Variants in CAST observed in about 807,000 individuals in gnomAD.
The protein encoded by CAST is calpastatin.
Under a neutral mutation model 119.6 loss-of-function variants are expected in CAST, and 76 were observed. The observed-to-expected ratio is 0.64, with a 90% CI of 0.53 to 0.77. CAST has a LOEUF of 0.77. CAST is among the 30% of genes least tolerant of loss of function. The pLI is 0.00. For missense variants in CAST, 953 were observed against 946.5 expected, an observed-to-expected ratio of 1.01 and a Z score of -0.09; for synonymous variants, 319 against 331.6, an observed-to-expected ratio of 0.96 and a Z score of 0.41.
At chr5:96,383,977 G>C in the CAST span, among the ~76,000 whole-genome samples, 1 of 152,092 alleles carries the variant, frequency 6.6e-6, no homozygotes, top group Non-Finnish European at 1.5e-5. Flanking sequence ...ATGAGTAGGA[G>C]GCCGACCTGA....
the CAST span, among the ~76,000 whole-genome samples, chr5:96,231,670 G>GTTAGAATA: frequency 6.6e-6 from 1 of 151,970 alleles, no homozygotes; most frequent in East Asian, 1.9e-4. Flanking sequence ...CAATAAAGCT[G>GTTAGAATA]TTAGAATAAT....
At chr5:96,159,252 A>G in the CAST span, among the ~76,000 whole-genome samples, 1 of 152,124 alleles carries the variant, frequency 6.6e-6, no homozygotes, top group African/African-American at 2.4e-5. Context: ...AGTATTTGGG[A>G]GGCTGTGAGT....
chr5:96,455,478 TA>T, the CAST span, among the ~76,000 whole-genome samples: 1 of 152,206 alleles, frequency 6.6e-6, no homozygotes, highest in Non-Finnish European at 1.5e-5. Context: ...TTCCAATAAT[TA>T]AAAAGAGTTT....
chr5:96,499,374 C>T, the CAST span, among the ~76,000 whole-genome samples: 549 of 152,316 alleles, frequency 3.6e-3, 5 homozygotes, highest in African/African-American at 0.013. Flanking sequence ...TATATTTGCA[C>T]TATAGTGTAG....
the CAST span, among the ~76,000 whole-genome samples, chr5:96,009,874 A>T: frequency 6.6e-6 from 1 of 152,136 alleles, no homozygotes; most frequent in Admixed American, 6.5e-5. Context: ...TGCCAGGTCG[A>T]TGTCAAGAAG....
At chr5:96,489,834 G>A in the CAST span, among the ~76,000 whole-genome samples, 1 of 152,120 alleles carries the variant, frequency 6.6e-6, no homozygotes, top group African/African-American at 2.4e-5. Context: ...TAGATACAGA[G>A]GCCATTAAAC....
intron 1 of CAST, among the ~76,000 whole-genome samples, chr5:96,620,780 A>G (rs1392577847): frequency 6.6e-6 from 1 of 152,218 alleles, no homozygotes; most frequent in East Asian, 1.9e-4. Context: ...ATGTATTGGC[A>G]TAGCTTTTGG....
chr5:96,548,174 C>T (rs1026742348), intron 1 of CAST, among the ~76,000 whole-genome samples: 33 of 152,260 alleles, frequency 2.2e-4, no homozygotes, highest in African/African-American at 7.9e-4. Context: ...ACCATAGGTC[C>T]TCTAAGAAAA....
chr5:96,368,524 C>A, the CAST span, among the ~76,000 whole-genome samples: 4 of 150,066 alleles, frequency 2.7e-5, no homozygotes, highest in Non-Finnish European at 5.9e-5. Flanking sequence ...AACAAAAAAA[C>A]CTATAGAATT....
intron 2 of CAST, among the ~76,000 whole-genome samples, chr5:96,681,191 T>C (rs1486858759): frequency 6.6e-6 from 1 of 152,240 alleles, no homozygotes; most frequent in Non-Finnish European, 1.5e-5. Context: ...ATGATGATTT[T>C]CTGAGTGTGT....
chr5:96,736,213 A>C lies in CAST; in HGVS notation c.672A>C (p.Glu224Asp), dbSNP rs143382715. ...CATTAACCCCAGCTGTGCCAGTTGAATCTAAACCGGATAAACCATCGGGAA... is the reference window on the plus strand; with the variant it reads ...CATTAACCCCAGCTGTGCCAGTTGACTCTAAACCGGATAAACCATCGGGAA... ...KKSLTPAVPV[E>D]SKPDKPSGKS... The change falls in exon 10 of 32, where the codon GAA becomes GAC. Residue 224 changes from glutamate to aspartate, a missense_variant. Coordinates refer to ENST00000675179, the MANE Select transcript of CAST (RefSeq NM_001750.7). 286 of 1,612,752 alleles carry C rather than the reference A, an allele frequency of 1.8e-4. 1 individual carries two copies. In the African/African-American group the frequency reaches 3.1e-3, roughly 17 times the overall value.
At chr5:96,474,153 C>A in the CAST span, among the ~76,000 whole-genome samples, 1 of 152,114 alleles carries the variant, frequency 6.6e-6, no homozygotes, top group Non-Finnish European at 1.5e-5. Flanking sequence ...CCATTTTAAG[C>A]AGAAAATGAG....
chr5:96,624,311 C>T (rs755333989), intron 1 of CAST, among the ~76,000 whole-genome samples: 13 of 152,192 alleles, frequency 8.5e-5, no homozygotes, highest in Non-Finnish European at 1.5e-4. Flanking sequence ...ACGCTAAGCA[C>T]ATGGCATTGA....
At chr5:96,163,368 C>T in the CAST span, among the ~76,000 whole-genome samples, 1 of 152,094 alleles carries the variant, frequency 6.6e-6, no homozygotes, top group African/African-American at 2.4e-5. Flanking sequence ...TTTTGTCGAT[C>T]TTCTCTATTC....
At chr5:96,173,088 A>G in the CAST span, among the ~76,000 whole-genome samples, 1 of 152,232 alleles carries the variant, frequency 6.6e-6, no homozygotes, top group Admixed American at 6.5e-5. Flanking sequence ...TACCTCTGGC[A>G]TAGATACCGA....
chr5:96,303,058 T>A, the CAST span, among the ~76,000 whole-genome samples: 1 of 152,226 alleles, frequency 6.6e-6, no homozygotes. Flanking sequence ...GCAGTTCAAC[T>A]GGCTTAAGGT....
At chr5:96,677,466 A>G (rs533686882) in intron 2 of CAST, among the ~76,000 whole-genome samples, 2 of 152,370 alleles carry the variant, frequency 1.3e-5, no homozygotes, top group South Asian at 4.1e-4. Flanking sequence ...CTCCATATTT[A>G]TAAAAGGTTT....
chr5:96,332,647 T>C, the CAST span, among the ~76,000 whole-genome samples: 2 of 152,118 alleles, frequency 1.3e-5, no homozygotes, highest in Non-Finnish European at 2.9e-5. Flanking sequence ...CGTCTACAAA[T>C]GTGACATGAT....
chr5:96,159,784 CTGTT>C, the CAST span, among the ~76,000 whole-genome samples: 11 of 152,078 alleles, frequency 7.2e-5, no homozygotes, highest in Admixed American at 2.6e-4. Context: ...AATGGAGAAG[CTGTT>C]TGTTTGTTTT....
Sources: allele counts gnomAD v4.1 joint callset (sites outside exome capture counted in the v4.1 genomes callset), GRCh38; gene constraint gnomAD v4.1.1; transcripts MANE v1.5; gene names NCBI Gene and HGNC (gene_info 2026-07-23, HGNC 2026-07-21).